Variants in DIP2A observed in about 807,000 individuals in gnomAD.
DIP2A encodes disco-interacting protein 2 homolog A.
DIP2A carries 85 observed loss-of-function variants against 177.4 expected under a neutral mutation model. The observed-to-expected ratio is 0.48, with a 90% CI of 0.40 to 0.57. DIP2A has a LOEUF of 0.57. DIP2A is among the 20% of genes least tolerant of loss of function. The pLI is 0.00. For missense variants in DIP2A, 1,791 were observed against 2,100.2 expected, an observed-to-expected ratio of 0.85 and a Z score of 2.88; for synonymous variants, 886 against 881.8, an observed-to-expected ratio of 1.00 and a Z score of -0.08.
chr21:46,566,387 GCCTGCT>G (rs2060838374), intron 36 of DIP2A, among the ~76,000 whole-genome samples, 167 bp from the exon 37 acceptor site: 2 of 152,202 alleles, frequency 1.3e-5, no homozygotes, highest in Non-Finnish European at 2.9e-5. Context: ...AGAGATAACA[GCCTGCT>G]CTGCCAGGAC....
the DIP2A span, among the ~76,000 whole-genome samples, chr21:46,579,845 T>G: frequency 2.0e-5 from 3 of 152,226 alleles, no homozygotes; most frequent in African/African-American, 7.2e-5. Context: ...CTTTTGAATT[T>G]GCTGAGGAGG....
chr21:46,547,826 G>T (rs1036108225), intron 21 of DIP2A, among the ~76,000 whole-genome samples: 1 of 151,576 alleles, frequency 6.6e-6, no homozygotes, highest in African/African-American at 2.4e-5. Flanking sequence ...TGCACCCCAC[G>T]CCTGGCTAAT....
At chr21:46,528,973 T>G in intron 8 of DIP2A, 119 bp from the exon 9 acceptor site, 5 of 558,500 alleles carry the variant, frequency 9.0e-6, no homozygotes, top group Non-Finnish European at 1.5e-5. Flanking sequence ...AGTTGGAAAC[T>G]ACCTAAATTT....
At chr21:46,533,705 A>G in intron 11 of DIP2A, 58 bp downstream of exon 11, 1 of 1,602,938 alleles carries the variant, frequency 6.2e-7, no homozygotes, top group Middle Eastern at 1.7e-4. Flanking sequence ...TGTTAAATGC[A>G]TGGTGTTCCA....
Position 46,467,079 on chromosome 21 carries a change from G to A in DIP2A, c.91+7857G>A, listed in dbSNP as rs556853594. On this transcript the variant is annotated intron_variant, in intron 1 of 37. Transcript: ENST00000417564. ...TGGGAAGTCGAGGCGGGCGGATCACGAGGTCAGGAGGTCGAGACCATCCTG... is the reference window on the plus strand; with the variant it reads ...TGGGAAGTCGAGGCGGGCGGATCACAAGGTCAGGAGGTCGAGACCATCCTG... 5.3e-5 allele frequency among the ~76,000 whole-genome samples: 8 copies of A among 151,942 alleles called. No individual in the cohort carries two copies. The East Asian group carries it at 1.6e-3, about 30-fold the overall frequency.
At chr21:46,472,062 T>G (rs887242426) in intron 1 of DIP2A, among the ~76,000 whole-genome samples, 1 of 152,212 alleles carries the variant, frequency 6.6e-6, no homozygotes, top group Non-Finnish European at 1.5e-5. Context: ...CAATGGATTA[T>G]ATTTGAAGAC....
intron 1 of DIP2A, among the ~76,000 whole-genome samples, chr21:46,473,156 GAA>G (rs1270902741): frequency 1.3e-5 from 2 of 152,154 alleles, no homozygotes; most frequent in African/African-American, 2.4e-5. Flanking sequence ...ACAAAGGAGA[GAA>G]AATGAGCAAG....
chr21:46,501,574 C>G (rs954874621), intron 5 of DIP2A, among the ~76,000 whole-genome samples: 1 of 152,098 alleles, frequency 6.6e-6, no homozygotes, highest in African/African-American at 2.4e-5. Flanking sequence ...CAAATGCCAG[C>G]ATGCCTAGCT....
rs2060743565 is a variant in DIP2A, at chr21:46,563,667, T to C, written c.4090-191T>C. The C allele has an allele frequency of 6.4e-6, 7 of 1,101,088 alleles. No individual in the cohort carries two copies. Among genetic ancestry groups the C allele is most frequent in the East Asian group, 5.5e-5 (2 of 36,206 alleles). The allele number at this position is 1,101,088 out of a possible 1,614,324, so 68.2% of individuals were successfully genotyped here. On this transcript the variant is annotated intron_variant, in intron 34 of 37. Coordinates refer to ENST00000417564, the MANE Select transcript of DIP2A (RefSeq NM_015151.4). The surrounding 1 kb of genome is among the most constrained non-coding windows in gnomAD (Gnocchi z 4.3). ...TCAGGAACTGGAGTCATTTTGCTTA[T>C]TTCTATTAACATCTCTTATTTCTTT...
At chr21:46,507,104 G>A (rs1431654208) in intron 6 of DIP2A, among the ~76,000 whole-genome samples, 3 of 151,826 alleles carry the variant, frequency 2.0e-5, no homozygotes, top group Non-Finnish European at 4.4e-5. Flanking sequence ...TGAGTTTTGA[G>A]GGCTGTTTAT....
At chr21:46,493,470 G>C (rs1178634867) in intron 3 of DIP2A, among the ~76,000 whole-genome samples, 2 of 152,028 alleles carry the variant, frequency 1.3e-5, no homozygotes, top group African/African-American at 2.4e-5. Flanking sequence ...GTGTGGAAAT[G>C]CTTTTCGAAC....
At chr21:46,534,758 G>C in intron 13 of DIP2A, 71 bp downstream of exon 13, 1 of 1,362,136 alleles carries the variant, frequency 7.3e-7, no homozygotes, top group Non-Finnish European at 1.0e-6. Flanking sequence ...CTAATCATGT[G>C]ACTGTCACTG....
At chr21:46,561,027 C>G in intron 33 of DIP2A, 1 of 985,038 alleles carries the variant, frequency 1.0e-6, no homozygotes, top group African/African-American at 1.7e-5. Context: ...AGCTCAGTGT[C>G]TATCTCTGTG....
At chr21:46,463,705 TGTGTGTGTGTGTGTA>T (rs1568890353) in intron 1 of DIP2A, among the ~76,000 whole-genome samples, 2 of 151,660 alleles carry the variant, frequency 1.3e-5, no homozygotes, top group Admixed American at 6.6e-5. Context: ...TGTGTGTGTG[TGTGTGTGTGTGTGTA>T]TATTTTGAGA....
intron 7 of DIP2A, among the ~76,000 whole-genome samples, chr21:46,510,675 G>C (rs1601592425): frequency 6.8e-6 from 1 of 148,004 alleles, no homozygotes; most frequent in African/African-American, 2.5e-5. Flanking sequence ...CTGTCGCCCA[G>C]GCTGGAGTGC....
At chr21:46,540,704 C>T (rs903507765) in intron 17 of DIP2A, among the ~76,000 whole-genome samples, 2 of 152,006 alleles carry the variant, frequency 1.3e-5, no homozygotes, top group African/African-American at 4.8e-5. Context: ...TGGAACTAAC[C>T]CTAAGTTTTT....
In DIP2A at chr21:46,563,843, C is replaced by T. The variant is rs2060749733; in HGVS notation, c.4090-15C>T. On this transcript the variant is annotated splice_polypyrimidine_tract_variant and intron_variant, in intron 34 of 37. Transcript: ENST00000417564. The surrounding 1 kb of genome is among the most constrained non-coding windows in gnomAD (Gnocchi z 4.3). ...ATGTTTTCTTTAACAAGGGACATAG[C>T]TCTCCTCCTTCCAGATCCTCCCCGG... 1.2e-6 allele frequency: 2 copies of T among 1,612,682 alleles called. No homozygotes were observed. The highest frequency in any genetic ancestry group is 1.7e-5 in the Admixed American group (1 of 59,806).
chr21:46,530,901 A>T (rs1012778541), intron 9 of DIP2A, among the ~76,000 whole-genome samples: 2 of 152,204 alleles, frequency 1.3e-5, no homozygotes, highest in Admixed American at 6.5e-5. Flanking sequence ...GAGTGGAATG[A>T]TGCTTCAGAC....
rs1477630443 is a variant in DIP2A, at chr21:46,567,979, A to G, written c.*357A>G. ...CTTTAGGCTAAAAATATAGTTCCTG[A>G]TTTTTAAAATTCAGTTATTTATTCC... is the stretch of plus-strand genomic sequence containing the variant. On this transcript the variant is annotated 3_prime_UTR_variant, in exon 38 of 38. Coordinates refer to ENST00000417564, the MANE Select transcript of DIP2A (RefSeq NM_015151.4). 1 of 191,642 alleles carries G rather than the reference A, an allele frequency of 5.2e-6. No homozygotes were observed. The highest frequency in any genetic ancestry group is 1.1e-5 in the Non-Finnish European group (1 of 94,564). 11.9% of individuals were successfully genotyped at this position (191,642 alleles called of 1,614,324 possible).
Sources: gnomAD v4.1 joint callset for allele counts (sites outside exome capture counted in the v4.1 genomes callset) on GRCh38, gnomAD v4.1.1 for gene constraint, Gnocchi (gnomAD v3.1) non-coding constraint, MANE v1.5 for transcripts, NCBI Gene and HGNC (gene_info 2026-07-23, HGNC 2026-07-21) for gene names.